MON1B: variants seen among roughly 807,000 people sequenced by gnomAD.
MON1B encodes vacuolar fusion protein MON1 homolog B.
In MON1B, 26 loss-of-function variants were observed where a neutral mutation model predicts 45.1. The ratio of observed to expected loss-of-function variants is 0.58; its 90% CI spans 0.42 to 0.80. The LOEUF (loss-of-function observed/expected upper bound fraction) is 0.80. MON1B is among the 30% of genes least tolerant of loss of function. MON1B has a pLI of 0.00. For missense variants in MON1B, 737 were observed against 754.5 expected, an observed-to-expected ratio of 0.98 and a Z score of 0.27; for synonymous variants, 395 against 320.2, an observed-to-expected ratio of 1.23 and a Z score of -2.49.
In MON1B at chr16:77,193,947, C is replaced by T. The variant is rs1176052443; in HGVS notation, c.475+170C>T. 5 of 663,448 alleles carry T rather than the reference C, an allele frequency of 7.5e-6. No homozygotes were observed. In the African/African-American group the frequency reaches 9.1e-5, roughly 12 times the overall value. 41.1% of individuals were successfully genotyped at this position (663,448 alleles called of 1,614,324 possible). A position where few individuals can be genotyped will look rare whatever the true frequency, so the allele number is the denominator to read the frequency against. On this transcript the variant is annotated intron_variant, in intron 3 of 5. Transcript: ENST00000248248. The surrounding 1 kb of genome is among the most constrained non-coding windows in gnomAD (Gnocchi z 5.0). ...GGGAGGTGGGGGGGTTCATCTCTGT[C>T]TGGCCTGCTGGTTTCTTAGTGATTG...
At position 77,193,774 on chromosome 16, in the gene MON1B, G is replaced by A. The variant is rs754260750; in HGVS notation, c.472G>A (p.Ala158Thr). The change falls in exon 3 of 6, where the codon GCT becomes ACT. Residue 158 changes from alanine to threonine, a missense_variant. Transcript: ENST00000248248. The surrounding 1 kb of genome is among the most constrained non-coding windows in gnomAD (Gnocchi z 5.0). ...GGGAGATGCCATCCGTGCCATCTAC[G>A]CTGGTGAGCAAACAGGTGGGAGGCA... ...SAGDAIRAIY[A>T]EDHKLVFLQQ... is the part of the protein sequence containing the mutation. 5.0e-6 allele frequency: 8 copies of A among 1,606,318 alleles called. No individual in the cohort carries two copies. The highest frequency in any genetic ancestry group is 2.2e-5 in the East Asian group (1 of 44,702).
rs749951718 is a variant in MON1B at position 77,195,132 on chromosome 16, C to T, written c.1273C>T (p.Arg425Cys). 3.8e-6 allele frequency: 6 copies of T among 1,596,028 alleles called. No homozygotes were observed. Among genetic ancestry groups the T allele is most frequent in the Admixed American group, 1.7e-5 (1 of 59,740 alleles). The change falls in exon 4 of 6, where the codon CGC becomes TGC. Residue 425 changes from arginine to cysteine, a missense_variant. Coordinates refer to ENST00000248248, the MANE Select transcript of MON1B (RefSeq NM_014940.4). The part of the protein sequence containing the change: ...YKPLDIPDHH[R>C]QLPQFTSPEL... Reference sequence around the variant, plus strand: ...GCCGCTGGACATCCCTGACCACCACCGCCAACTGCCCCAGTTTACCAGGTA... The same window carrying T: ...GCCGCTGGACATCCCTGACCACCACTGCCAACTGCCCCAGTTTACCAGGTA...
Position 77,198,761 on chromosome 16 carries a change from G to GA in MON1B, c.*460dup, listed in dbSNP as rs1426546767. The stretch of plus-strand genomic sequence containing the variant: ...GGGACTGGCCTGAGGGTATTTTAAA[G>GA]AAAAAAACTACATAAAAGGCCTAAA... On this transcript the variant is annotated 3_prime_UTR_variant, in exon 6 of 6. Coordinates refer to ENST00000248248, the MANE Select transcript of MON1B (RefSeq NM_014940.4). 4 of 176,970 alleles carry GA rather than the reference G, an allele frequency of 2.3e-5. No individual in the cohort carries two copies. The highest frequency in any genetic ancestry group is 9.4e-5 in the African/African-American group (4 of 42,336). The allele number at this position is 176,970 out of a possible 1,614,324, so 11.0% of individuals were successfully genotyped here.
rs2054637571 is a variant in MON1B, at chr16:77,193,899, T to C, written c.475+122T>C. 12 of 1,017,524 alleles carry C rather than the reference T, an allele frequency of 1.2e-5. No individual in the cohort carries two copies. Among genetic ancestry groups the C allele is most frequent in the Non-Finnish European group, 1.7e-5 (12 of 709,638 alleles). 63.0% of individuals were successfully genotyped at this position (1,017,524 alleles called of 1,614,324 possible). A position where few individuals can be genotyped will look rare whatever the true frequency, so the allele number is the denominator to read the frequency against. ...GGGTTGGGTCCATGTGTGTGGATGGTCAGCCAGAGCTCTGTCAGTGGCGGG... is the reference window on the plus strand; with the variant it reads ...GGGTTGGGTCCATGTGTGTGGATGGCCAGCCAGAGCTCTGTCAGTGGCGGG... On this transcript the variant is annotated intron_variant, in intron 3 of 5. Transcript: ENST00000248248. This position sits in a 1 kb window ranked among gnomAD's most constrained non-coding sequence, Gnocchi z 5.0.
At position 77,199,429 on chromosome 16, in the gene MON1B, G is replaced by T; in HGVS notation, c.*1121G>T. 1 of 1,551,122 alleles carries T rather than the reference G, an allele frequency of 6.4e-7. No homozygotes were observed. On this transcript the variant is annotated 3_prime_UTR_variant, in exon 6 of 6. Transcript: ENST00000248248. ...TTTAACCAGTCATCAAGCGAGGCTC[G>T]CGCGCAGGCCCCGCGTTGGAAAATG...
At position 77,199,730 on chromosome 16, in the gene MON1B, G is replaced by A. The variant is rs2054710084; in HGVS notation, c.*1422G>A. On this transcript the variant is annotated 3_prime_UTR_variant, in exon 6 of 6. Coordinates refer to ENST00000248248, the MANE Select transcript of MON1B (RefSeq NM_014940.4). ...TCACCGAGATTAACTTTTGTCAACTGTAGTGTATACGTTGTTGAAAGTAAA... is the reference window on the plus strand; with the variant it reads ...TCACCGAGATTAACTTTTGTCAACTATAGTGTATACGTTGTTGAAAGTAAA... 3.9e-6 allele frequency: 2 copies of A among 507,394 alleles called. No individual in the cohort carries two copies. Among genetic ancestry groups the A allele is most frequent in the Non-Finnish European group, 7.0e-6 (2 of 287,262 alleles). The allele number at this position is 507,394 out of a possible 1,614,324, so 31.4% of individuals were successfully genotyped here. A position where few individuals can be genotyped will look rare whatever the true frequency, so the allele number is the denominator to read the frequency against.
At chr16:77,196,241 T>C (rs2054664171) in intron 5 of MON1B, among the ~76,000 whole-genome samples, 1 of 151,868 alleles carries the variant, frequency 6.6e-6, no homozygotes, top group African/African-American at 2.4e-5. Flanking sequence ...TATTTATTAA[T>C]TTATTGCGTG....
chr16:77,193,476 C>T lies in MON1B; in HGVS notation c.174C>T (p.Pro58=), dbSNP rs762701943. The T allele has an allele frequency of 1.9e-6, 3 of 1,574,958 alleles. No individual in the cohort carries two copies. Among genetic ancestry groups the T allele is most frequent in the East Asian group, 4.5e-5 (2 of 44,462 alleles). ...GATCCAAGGACAAGGACCAGCCACC[C>T]AGCCCATCACCACCGCCCCAGTCAG... The part of the protein sequence containing the change: ...ETGSKDKDQP[P]SPSPPPQSEA... Residue 58 remains proline (P), a synonymous_variant, in exon 3 of 6, where the codon CCC becomes CCT. Coordinates refer to ENST00000248248, the MANE Select transcript of MON1B (RefSeq NM_014940.4). This position sits in a 1 kb window ranked among gnomAD's most constrained non-coding sequence, Gnocchi z 5.0.
At position 77,191,234 on chromosome 16, in the gene MON1B, C is replaced by A; in HGVS notation, c.-35C>A. 1 of 1,536,866 alleles carries A rather than the reference C, an allele frequency of 6.5e-7. No homozygotes were observed. Among genetic ancestry groups the A allele is most frequent in the Non-Finnish European group, 8.7e-7 (1 of 1,146,924 alleles). ...CTACGGGGAAGTAATGGTATCCGGC[C>A]AATTGAGATTCGGAGTTAAAACAGG... On this transcript the variant is annotated 5_prime_UTR_variant, in exon 1 of 6. Coordinates refer to ENST00000248248, the MANE Select transcript of MON1B (RefSeq NM_014940.4).
At position 77,195,109 on chromosome 16, in the gene MON1B, C is replaced by T. The variant is rs143559093; in HGVS notation, c.1250C>T (p.Pro417Leu). The T allele has an allele frequency of 6.2e-7, 1 of 1,600,162 alleles. No individual in the cohort carries two copies. The highest frequency in any genetic ancestry group is 8.5e-7 in the Non-Finnish European group (1 of 1,179,620). ...APGLRHFLYK[P>L]LDIPDHHRQL... The stretch of plus-strand genomic sequence containing the variant: ...GGCCTCCGGCACTTCCTGTATAAGC[C>T]GCTGGACATCCCTGACCACCACCGC... Residue 417 changes from proline (P) to leucine (L), a missense_variant, in exon 4 of 6, where the codon CCG becomes CTG. Pro to Leu is a moderately conservative substitution (Grantham distance 98, BLOSUM62 -3). Transcript: ENST00000248248.
At position 77,191,529 on chromosome 16, in the gene MON1B, CGGAGGACTT is replaced by C. The variant is rs776749980; in HGVS notation, c.52_60del (p.Leu18_Asp20del). 25 of 1,608,878 alleles carry C rather than the reference CGGAGGACTT, an allele frequency of 1.6e-5. No individual in the cohort carries two copies. In the African/African-American group the frequency reaches 3.2e-4, roughly 21 times the overall value. On this transcript the variant is annotated inframe_deletion, in exon 2 of 6. Coordinates refer to ENST00000248248, the MANE Select transcript of MON1B (RefSeq NM_014940.4). ...ACTGCTGCCCCGGCCCCCGGGGGCG[CGGAGGACTT>C]GGAGGACACGCAGTTCCCCAGTGAG...
In MON1B at chr16:77,192,798, T is replaced by C. The variant is rs114397929; in HGVS notation, c.149-653T>C. ...GTTAATGATTGTTAATGTGGGGTCA[T>C]TGGGGTGTTTGTGAACCACAGTGGG... On this transcript the variant is annotated intron_variant, in intron 2 of 5. Transcript: ENST00000248248. 2.2e-3 allele frequency among the ~76,000 whole-genome samples: 328 copies of C among 152,166 alleles called. 1 individual carries two copies. Among genetic ancestry groups the C allele is most frequent in the African/African-American group, 7.6e-3 (316 of 41,486 alleles).
chr16:77,195,180 G>C, intron 4 of MON1B, 26 bp downstream of exon 4: 1 of 1,512,192 alleles, frequency 6.6e-7, no homozygotes, highest in Non-Finnish European at 8.8e-7. Flanking sequence ...AAGGCAACTG[G>C]CTGGGTGGGA....
Position 77,199,350 on chromosome 16 carries a change from C to A in MON1B, c.*1042C>A, listed in dbSNP as rs572007822. On this transcript the variant is annotated 3_prime_UTR_variant, in exon 6 of 6. Transcript: ENST00000248248. ...CTCCTGATTTAACCGCTGGCGTAAC[C>A]GCGGGTTGCACGCATGCGTGCTGAA... 5.9e-6 allele frequency: 7 copies of A among 1,194,068 alleles called. No homozygotes were observed. The highest frequency in any genetic ancestry group is 8.4e-6 in the Non-Finnish European group (7 of 837,458). The allele number at this position is 1,194,068 out of a possible 1,614,324, so 74.0% of individuals were successfully genotyped here. A position where few individuals can be genotyped will look rare whatever the true frequency, so the allele number is the denominator to read the frequency against.
rs371869680 is a variant in MON1B at position 77,194,669 on chromosome 16, G to T, written c.810G>T (p.Ala270=). The change falls in exon 4 of 6, where the codon GCG becomes GCT. Residue 270 remains alanine, a synonymous_variant. Transcript: ENST00000248248. This position sits in a 1 kb window ranked among gnomAD's most constrained non-coding sequence, Gnocchi z 8.1. ...GTGCGCTCCTCCGACGTTGCACAGC[G>T]CCTGGCCTGGCGCTGTCAGTGCTGG... ...ALGALLRRCT[A]PGLALSVLAV... 1 of 1,613,746 alleles carries T rather than the reference G, an allele frequency of 6.2e-7. No homozygotes were observed.
chr16:77,196,754 C>T (rs1021679296), intron 5 of MON1B, among the ~76,000 whole-genome samples: 1 of 152,114 alleles, frequency 6.6e-6, no homozygotes, highest in Non-Finnish European at 1.5e-5. Flanking sequence ...CCAGCCTGGG[C>T]GACAGAGTAA....
chr16:77,199,577 T>A lies in MON1B; in HGVS notation c.*1269T>A. 1 of 1,237,906 alleles carries A rather than the reference T, an allele frequency of 8.1e-7. No homozygotes were observed. The highest frequency in any genetic ancestry group is 2.5e-5 in the East Asian group (1 of 39,392). The allele number at this position is 1,237,906 out of a possible 1,614,324, so 76.7% of individuals were successfully genotyped here. On this transcript the variant is annotated 3_prime_UTR_variant, in exon 6 of 6. Coordinates refer to ENST00000248248, the MANE Select transcript of MON1B (RefSeq NM_014940.4). Reference sequence around the variant, plus strand: ...CAGGGCAGAAAGGAGGGAGGATTCGTCCCATTACAATAATGAAATAATGAT... The same window carrying A: ...CAGGGCAGAAAGGAGGGAGGATTCGACCCATTACAATAATGAAATAATGAT...
rs2054726784 is a variant in MON1B, at chr16:77,200,445, C to T, written c.*2137C>T. The T allele has an allele frequency of 6.7e-6, 1 of 148,432 alleles. No homozygotes were observed. The highest frequency in any genetic ancestry group is 1.5e-5 in the Non-Finnish European group (1 of 67,098). 9.2% of individuals were successfully genotyped at this position (148,432 alleles called of 1,614,324 possible). ...CCAGCCTGGGTGACAGAGTGAGACT[C>T]CGTCTCAAAAGAAAAAAAATTCTCC... is the stretch of plus-strand genomic sequence containing the variant. On this transcript the variant is annotated 3_prime_UTR_variant, in exon 6 of 6. Transcript: ENST00000248248.
chr16:77,191,744 G>C (rs977926304), intron 2 of MON1B, 111 bp downstream of exon 2: 31 of 1,278,936 alleles, frequency 2.4e-5, no homozygotes, highest in Non-Finnish European at 3.0e-5. Flanking sequence ...TAAGAGAAGT[G>C]GCTTAAACCA....
Sources: allele counts gnomAD v4.1 joint callset (sites outside exome capture counted in the v4.1 genomes callset), GRCh38; gene constraint gnomAD v4.1.1; non-coding constraint Gnocchi (gnomAD v3.1); transcripts MANE v1.5; gene names NCBI Gene and HGNC (gene_info 2026-07-23, HGNC 2026-07-21).